The following OXR1 variants were observed in gnomAD, a reference collection of about 807,000 sequenced individuals.
OXR1 encodes oxidation resistance 1, also known as oxidation resistance protein 1.
In OXR1, 41 loss-of-function variants were observed where a neutral mutation model predicts 104.6. The ratio of observed to expected loss-of-function variants is 0.39; its 90% CI spans 0.31 to 0.51. OXR1 has a LOEUF of 0.51. Among genes scored for constraint, OXR1 ranks in the 20% least tolerant of loss-of-function variants. The probability of loss-of-function intolerance (pLI) is 0.77; values close to 1 mark genes in which losing one functional copy is unlikely to be tolerated. For missense variants in OXR1, 955 were observed against 1,031.9 expected (o/e 0.93, Z 1.02); for synonymous variants, 348 against 348.4 (o/e 1.00, Z 0.01).
intron 1 of OXR1, among the ~76,000 whole-genome samples, chr8:106,299,323 A>G (rs1300489141): frequency 2.6e-5 from 4 of 151,944 alleles, no homozygotes; most frequent in Admixed American, 2.0e-4. Flanking sequence ...CATTTTGTCA[A>G]AGCAACTTAA....
chr8:106,738,590 A>T (rs1053045609), intron 12 of OXR1, among the ~76,000 whole-genome samples: 2 of 151,568 alleles, frequency 1.3e-5, no homozygotes, highest in African/African-American at 4.8e-5. Flanking sequence ...AAAGTTTCAT[A>T]ATGTTTCATT....
At chr8:106,464,435 G>T (rs919244449) in intron 2 of OXR1, among the ~76,000 whole-genome samples, 3 of 151,950 alleles carry the variant, frequency 2.0e-5, no homozygotes, top group East Asian at 3.9e-4. Context: ...TATTGCCCCC[G>T]TGACAATTTT....
At chr8:106,436,111 T>G (rs1340107503) in intron 2 of OXR1, among the ~76,000 whole-genome samples, 1 of 140,220 alleles carries the variant, frequency 7.1e-6, no homozygotes, top group Non-Finnish European at 1.5e-5. Flanking sequence ...TAAGCCTTTC[T>G]TCATAAAAAA....
chr8:106,448,358 T>G (rs1196409979), intron 2 of OXR1, among the ~76,000 whole-genome samples: 2 of 152,206 alleles, frequency 1.3e-5, no homozygotes. Context: ...TAAATGCTGT[T>G]TTTCCTAATT....
At chr8:106,576,334 TA>T (rs1442698904) in intron 3 of OXR1, among the ~76,000 whole-genome samples, 2 of 151,744 alleles carry the variant, frequency 1.3e-5, no homozygotes, top group Non-Finnish European at 2.9e-5. Flanking sequence ...ATTACCTTAA[TA>T]AAGAAAATTA....
chr8:106,740,862 A>G (rs1293579618), intron 14 of OXR1, among the ~76,000 whole-genome samples: 2 of 152,156 alleles, frequency 1.3e-5, no homozygotes, highest in Admixed American at 6.5e-5. Flanking sequence ...AGTTTTGATT[A>G]AAGATAATTG....
intron 3 of OXR1, among the ~76,000 whole-genome samples, chr8:106,622,327 C>A (rs961779713): frequency 9.2e-5 from 14 of 152,124 alleles, no homozygotes; most frequent in African/African-American, 3.1e-4. Context: ...CCAATCCCCA[C>A]CCCAGTCAGT....
intron 2 of OXR1, among the ~76,000 whole-genome samples, chr8:106,412,614 G>T (rs1818502940): frequency 6.6e-6 from 1 of 150,644 alleles, no homozygotes; most frequent in South Asian, 2.1e-4. Flanking sequence ...AGTACGCAGG[G>T]AGTCAGGATT....
intron 1 of OXR1, among the ~76,000 whole-genome samples, chr8:106,327,941 A>C (rs1438202813): frequency 1.3e-5 from 2 of 152,266 alleles, no homozygotes; most frequent in Non-Finnish European, 2.9e-5. Context: ...TGCAAGTAGC[A>C]GAAATCCAAT....
chr8:106,526,306 G>A (rs1353683484), intron 3 of OXR1, among the ~76,000 whole-genome samples: 2 of 152,044 alleles, frequency 1.3e-5, no homozygotes, highest in East Asian at 1.9e-4. Flanking sequence ...CACCTTCCTT[G>A]GAATCAGATT....
intron 2 of OXR1, among the ~76,000 whole-genome samples, chr8:106,427,221 G>T (rs950718297): frequency 1.3e-5 from 2 of 152,020 alleles, no homozygotes; most frequent in Non-Finnish European, 2.9e-5. Flanking sequence ...GCCCAGGCTG[G>T]AGTGCAGTGG....
At chr8:106,607,208 G>A (rs1325550568) in intron 3 of OXR1, among the ~76,000 whole-genome samples, 1 of 152,160 alleles carries the variant, frequency 6.6e-6, no homozygotes, top group South Asian at 2.1e-4. Flanking sequence ...CCTCAGAAGC[G>A]GAACTTGAAT....
chr8:106,707,291 T>C, intron 9 of OXR1, 146 bp downstream of exon 9: 1 of 724,238 alleles, frequency 1.4e-6, no homozygotes, highest in South Asian at 1.5e-5. Context: ...GGGACAAGTA[T>C]ATACAGTCTC....
chr8:106,557,375 G>A (rs1816359593), intron 3 of OXR1, among the ~76,000 whole-genome samples: 1 of 152,240 alleles, frequency 6.6e-6, no homozygotes, highest in African/African-American at 2.4e-5. Flanking sequence ...AAATCATATA[G>A]TTTGGGGTTA....
chr8:106,728,368 T>C (rs1833550889), intron 11 of OXR1, among the ~76,000 whole-genome samples: 1 of 152,138 alleles, frequency 6.6e-6, no homozygotes, highest in Admixed American at 6.6e-5. Flanking sequence ...ACTACCTCTG[T>C]AAGAGAGATT....
intron 2 of OXR1, among the ~76,000 whole-genome samples, chr8:106,390,606 T>C (rs1400539569): frequency 6.6e-6 from 1 of 152,186 alleles, no homozygotes; most frequent in East Asian, 1.9e-4. Flanking sequence ...TTGCAGGTGT[T>C]CATAAGTATT....
intron 3 of OXR1, among the ~76,000 whole-genome samples, chr8:106,640,536 T>C (rs775005949): frequency 1.1e-4 from 17 of 152,008 alleles, no homozygotes; most frequent in Non-Finnish European, 2.4e-4. Context: ...TCTCTTCTTT[T>C]GAGGAGAAAG....
intron 3 of OXR1, among the ~76,000 whole-genome samples, chr8:106,659,236 G>T (rs1563676611): frequency 6.6e-6 from 1 of 152,190 alleles, no homozygotes; most frequent in Non-Finnish European, 1.5e-5. Flanking sequence ...TGGGATTACA[G>T]GCCTGAACCA....
At chr8:106,305,297 T>TA (rs1398737185) in intron 1 of OXR1, among the ~76,000 whole-genome samples, 2 of 152,134 alleles carry the variant, frequency 1.3e-5, no homozygotes, top group Non-Finnish European at 2.9e-5. Flanking sequence ...AAAGAGATAA[T>TA]AAAAAAGTTG....
Sources: gnomAD v4.1 joint callset for allele counts (sites outside exome capture counted in the v4.1 genomes callset) on GRCh38, gnomAD v4.1.1 for gene constraint, MANE v1.5 for transcripts, NCBI Gene and HGNC (gene_info 2026-07-23, HGNC 2026-07-21) for gene names.